Variants in ECH1 observed in about 807,000 individuals in gnomAD.
ECH1 encodes the protein delta(3,5)-Delta(2,4)-dienoyl-CoA isomerase, mitochondrial.
A neutral mutation model predicts 37.0 loss-of-function variants in ECH1; 30 were observed. The ratio of observed to expected loss-of-function variants is 0.81; its 90% CI spans 0.61 to 1.10. ECH1 has a LOEUF of 1.10. Ranked by LOEUF, ECH1 falls within the 50% of genes least tolerant of loss-of-function variation. ECH1 has a pLI of 0.00. For synonymous variants in ECH1, 178 were observed against 176.0 expected (o/e 1.01, Z -0.09); for missense variants, 456 against 441.6 (o/e 1.03, Z -0.29).
At position 38,817,766 on chromosome 19, in the gene ECH1, G is replaced by A. The variant is rs1971602060; in HGVS notation, c.350-191C>T. On this transcript the variant is annotated intron_variant, in intron 3 of 9. Coordinates refer to ENST00000221418, the MANE Select transcript of ECH1 (RefSeq NM_001398.3). ...GAAGGAAATAAAAGCTAATATTTGT[G>A]GAGTCATTACTCACAGAATCCTCAC... 3.0e-6 allele frequency: 3 copies of A among 984,860 alleles called. No homozygotes were observed. In the African/African-American group the frequency reaches 5.2e-5, roughly 17 times the overall value. The allele number at this position is 984,860 out of a possible 1,614,324, so 61.0% of individuals were successfully genotyped here.
At chr19:38,820,315 C>T (rs1482806046) in intron 3 of ECH1, 1 of 152,146 alleles carries the variant, frequency 6.6e-6, no homozygotes, top group Admixed American at 6.6e-5. Context: ...CTGCCTCAGC[C>T]TCCCAAAGTG....
At chr19:38,821,293 G>A (rs1247210495) in intron 3 of ECH1, among the ~76,000 whole-genome samples, 3 of 152,152 alleles carry the variant, frequency 2.0e-5, no homozygotes, top group Non-Finnish European at 4.4e-5. Flanking sequence ...GGGTGACAGA[G>A]GGAGACCCTG....
chr19:38,815,652 C>G lies in ECH1; in HGVS notation c.948G>C (p.Glu316Asp). 4 of 1,614,206 alleles carry G rather than the reference C, an allele frequency of 2.5e-6. No individual in the cohort carries two copies. The highest frequency in any genetic ancestry group is 3.4e-6 in the Non-Finnish European group (4 of 1,180,044). The change falls in exon 10 of 10, where the codon GAG (glutamate) becomes GAC (aspartate). Residue 316 changes from glutamate to aspartate, a missense_variant. Physicochemically the swap from Glu to Asp is conservative, Grantham distance 45. Coordinates refer to ENST00000221418, the MANE Select transcript of ECH1 (RefSeq NM_001398.3). ...AGGTGACGGTTTTCAGTTCCTTGTT[C>G]TCAGTCGTGGCCTGGACCGACTTCA... Reference protein sequence around the residue: ...DLVKSVQATTENKELKTVTFS... With the variant: ...DLVKSVQATTDNKELKTVTFS...
At chr19:38,820,617 G>A (rs1971648199) in intron 3 of ECH1, 1 of 152,212 alleles carries the variant, frequency 6.6e-6, no homozygotes, top group African/African-American at 2.4e-5. Context: ...CACACCATGA[G>A]TGCTACATAA....
At chr19:38,827,193 T>C (rs563339470) in intron 3 of ECH1, among the ~76,000 whole-genome samples, 10 of 151,512 alleles carry the variant, frequency 6.6e-5, no homozygotes, top group African/African-American at 2.4e-4. Context: ...CAGAAAGAAA[T>C]AGTTTACTGT....
At chr19:38,825,281 A>T (rs1189308136) in intron 3 of ECH1, among the ~76,000 whole-genome samples, 1 of 152,204 alleles carries the variant, frequency 6.6e-6, no homozygotes, top group East Asian at 1.9e-4. Flanking sequence ...CTGGAGTCGT[A>T]AACATCTGTT....
intron 3 of ECH1, among the ~76,000 whole-genome samples, chr19:38,818,921 G>GTGTGTA (rs1971618082): frequency 7.4e-6 from 1 of 135,176 alleles, no homozygotes; most frequent in Non-Finnish European, 1.6e-5. Flanking sequence ...GTGTGTGTGT[G>GTGTGTA]TGTGTGTGTG....
At position 38,831,541 on chromosome 19, in the gene ECH1, A is replaced by T. The variant is rs139589091; in HGVS notation, c.53-25T>A. On this transcript the variant is annotated intron_variant, in intron 1 of 9. Coordinates refer to ENST00000221418, the MANE Select transcript of ECH1 (RefSeq NM_001398.3). ...CCTGGGGAGAAAGGAACAGCCTTTGATGACCCCAGACTGCAAGACACAGGC... is the reference window on the plus strand; with the variant it reads ...CCTGGGGAGAAAGGAACAGCCTTTGTTGACCCCAGACTGCAAGACACAGGC... 8.9e-5 allele frequency: 143 copies of T among 1,601,676 alleles called. No individual in the cohort carries two copies. In the African/African-American group the frequency reaches 1.7e-3, roughly 19 times the overall value.
At chr19:38,824,607 G>A (rs1384321212) in intron 3 of ECH1, among the ~76,000 whole-genome samples, 2 of 152,120 alleles carry the variant, frequency 1.3e-5, no homozygotes, top group Non-Finnish European at 2.9e-5. Flanking sequence ...CCTGAGGGAA[G>A]TACAAATTAC....
At chr19:38,826,796 T>C (rs1971745587) in intron 3 of ECH1, among the ~76,000 whole-genome samples, 1 of 152,162 alleles carries the variant, frequency 6.6e-6, no homozygotes, top group Non-Finnish European at 1.5e-5. Context: ...GCCCAAGATC[T>C]AGGCCACTTC....
chr19:38,818,932 T>TGTGTGCGCGCGCGCGCAC (rs144733422), intron 3 of ECH1, among the ~76,000 whole-genome samples: 163 of 142,858 alleles, frequency 1.1e-3, no homozygotes, highest in Middle Eastern at 3.5e-3. Flanking sequence ...TGTGTGTGTG[T>TGTGTGCGCGCGCGCGCAC]GCACTGTTCC....
rs755652897 is a variant in ECH1 at position 38,831,723 on chromosome 19, C to T, written c.50G>A (p.Arg17Gln). ...CCATAAGGCAAGAGGTGACTCACGC[C>T]GGGTCAGTAGGTCGCGGAGTCTGCG... ...ASRRLRDLLT[R>Q]RLTGSNYPGL... Residue 17 changes from arginine to glutamine, a missense_variant and splice_region_variant, in exon 1 of 10, where the codon CGG (arginine) becomes CAG (glutamine). Coordinates refer to ENST00000221418, the MANE Select transcript of ECH1 (RefSeq NM_001398.3). The T allele has an allele frequency of 5.0e-6, 8 of 1,613,564 alleles. No individual in the cohort carries two copies. In the African/African-American group the frequency reaches 9.3e-5, roughly 19 times the overall value.
intron 6 of ECH1, 23 bp from the exon 7 acceptor site, chr19:38,816,546 G>T (rs1971580243): frequency 1.2e-6 from 2 of 1,613,500 alleles, no homozygotes; most frequent in Non-Finnish European, 1.7e-6. Context: ...TCGGGTCAGT[G>T]TTTGGTTTCT....
chr19:38,830,971 A>AAT, intron 3 of ECH1, 107 bp downstream of exon 3: 1 of 971,532 alleles, frequency 1.0e-6, no homozygotes, highest in African/African-American at 1.7e-5. Context: ...AAAAAAAAAA[A>AAT]GTGTGTAAGT....
chr19:38,831,573 A>G (rs1290283838), intron 1 of ECH1, 57 bp from the exon 2 acceptor site: 1 of 1,567,876 alleles, frequency 6.4e-7, no homozygotes, highest in Admixed American at 1.8e-5. Flanking sequence ...AGGCCTATCG[A>G]ATTAGGGAGT....
At chr19:38,821,788 T>C (rs1971666756) in intron 3 of ECH1, among the ~76,000 whole-genome samples, 1 of 152,172 alleles carries the variant, frequency 6.6e-6, no homozygotes, top group African/African-American at 2.4e-5. Flanking sequence ...CCCGCCGCCG[T>C]GGGCTCCTGC....
chr19:38,815,435 TTTA>T lies in ECH1; in HGVS notation c.*175_*177del, dbSNP rs1971555999. Reference sequence around the variant, plus strand: ...AAGGGCACCAGGTTCTTTACTTTGCTTTATTGTTTGTGGGGTGAAGATAAGGCC... The same window carrying T: ...AAGGGCACCAGGTTCTTTACTTTGCTTTGTTTGTGGGGTGAAGATAAGGCC... On this transcript the variant is annotated 3_prime_UTR_variant, in exon 10 of 10. Transcript: ENST00000221418. 2 of 627,508 alleles carry T rather than the reference TTTA, an allele frequency of 3.2e-6. No individual in the cohort carries two copies. Among genetic ancestry groups the T allele is most frequent in the Non-Finnish European group, 5.5e-6 (2 of 363,220 alleles). 38.9% of individuals were successfully genotyped at this position (627,508 alleles called of 1,614,324 possible). A position where few individuals can be genotyped will look rare whatever the true frequency, so the allele number is the denominator to read the frequency against.
At chr19:38,828,796 T>C (rs1486815502) in intron 3 of ECH1, among the ~76,000 whole-genome samples, 1 of 151,488 alleles carries the variant, frequency 6.6e-6, no homozygotes, top group African/African-American at 2.4e-5. Context: ...TCTTTTTTTT[T>C]ATTTTTAGTA....
chr19:38,816,988 C>T, intron 6 of ECH1, 77 bp downstream of exon 6: 1 of 1,471,510 alleles, frequency 6.8e-7, no homozygotes, highest in Non-Finnish European at 9.3e-7. Flanking sequence ...TTCCATGAAG[C>T]CCTCGAGGCT....
Sources: gnomAD v4.1 joint callset for allele counts (sites outside exome capture counted in the v4.1 genomes callset) on GRCh38, gnomAD v4.1.1 for gene constraint, MANE v1.5 for transcripts, NCBI Gene and HGNC (gene_info 2026-07-23, HGNC 2026-07-21) for gene names.